ADGRB3: variants seen among roughly 807,000 people sequenced by gnomAD.
ADGRB3 encodes brain-specific angiogenesis inhibitor 3.
In ADGRB3, 37 loss-of-function variants were observed where a neutral mutation model predicts 193.4. That is an observed-to-expected ratio of 0.19 (90% CI 0.15 to 0.25). The LOEUF (loss-of-function observed/expected upper bound fraction) is 0.25. Ranked by LOEUF, ADGRB3 falls within the 10% of genes least tolerant of loss-of-function variation. The probability of loss-of-function intolerance (pLI) is 1.00; values close to 1 mark genes in which losing one functional copy is unlikely to be tolerated. For synonymous variants in ADGRB3, 690 were observed against 644.2 expected, an observed-to-expected ratio of 1.07 and a Z score of -1.08; for missense variants, 1,637 against 1,852.9, an observed-to-expected ratio of 0.88 and a Z score of 2.14.
intron 26 of ADGRB3, among the ~76,000 whole-genome samples, chr6:69,348,734 C>G (rs951980476): frequency 6.6e-6 from 1 of 152,056 alleles, no homozygotes; most frequent in Non-Finnish European, 1.5e-5. Flanking sequence ...CCTTTCTCTC[C>G]TTGCCACTCC....
At position 69,219,461 on chromosome 6, in the gene ADGRB3, G is replaced by GTATATATATATATATA. The variant is rs3839475; in HGVS notation, c.2481-13812_2481-13797dup. Among the ~76,000 whole-genome samples, 315 of 98,842 alleles carry GTATATATATATATATA rather than the reference G, an allele frequency of 3.2e-3. 8 individuals carry two copies. Among genetic ancestry groups the GTATATATATATATATA allele is most frequent in the African/African-American group, 5.1e-3 (160 of 31,154 alleles). 64.8% of individuals were successfully genotyped at this position (98,842 alleles called of 152,430 possible). ...CTTTAACTTAAAAATACACACACAC[G>GTATATATATATATATA]TATATATATATATATATATATATAT... On this transcript the variant is annotated intron_variant, in intron 17 of 31. Transcript: ENST00000370598.
intron 17 of ADGRB3, among the ~76,000 whole-genome samples, chr6:69,095,933 G>A (rs62406772): frequency 2.0e-5 from 3 of 152,008 alleles, no homozygotes; most frequent in Non-Finnish European, 2.9e-5. Flanking sequence ...TGATAATATT[G>A]TATAGGTTCA....
chr6:69,254,811 C>T (rs1209895145), intron 20 of ADGRB3, among the ~76,000 whole-genome samples: 3 of 150,192 alleles, frequency 2.0e-5, no homozygotes, highest in Non-Finnish European at 4.4e-5. Flanking sequence ...CACCCACTAA[C>T]TCGTCATCTA....
chr6:68,777,701 A>G (rs1766776036), intron 3 of ADGRB3, among the ~76,000 whole-genome samples: 2 of 151,472 alleles, frequency 1.3e-5, no homozygotes, highest in South Asian at 4.2e-4. Context: ...ACTACTAAAC[A>G]TGAGCAGATA....
At chr6:68,856,466 G>T (rs1764989196) in intron 3 of ADGRB3, among the ~76,000 whole-genome samples, 1 of 152,180 alleles carries the variant, frequency 6.6e-6, no homozygotes, top group Admixed American at 6.5e-5. Flanking sequence ...AGGTGGAGAT[G>T]CAGAACTTTT....
At chr6:68,746,488 A>T (rs566290806) in intron 3 of ADGRB3, among the ~76,000 whole-genome samples, 1 of 152,110 alleles carries the variant, frequency 6.6e-6, no homozygotes. Context: ...TTTGAAATAC[A>T]TGATACTACA....
chr6:68,955,489 A>G (rs553958326), intron 6 of ADGRB3, among the ~76,000 whole-genome samples: 2 of 152,314 alleles, frequency 1.3e-5, no homozygotes, highest in South Asian at 4.1e-4. Context: ...GAAATAAGTG[A>G]ATCAAAAGAT....
At chr6:69,020,856 T>C (rs1770242636) in intron 13 of ADGRB3, among the ~76,000 whole-genome samples, 1 of 152,038 alleles carries the variant, frequency 6.6e-6, no homozygotes, top group South Asian at 2.1e-4. Flanking sequence ...CCAAATTGTA[T>C]ACACTAGTAT....
At chr6:69,243,426 A>G (rs1471804755) in intron 20 of ADGRB3, among the ~76,000 whole-genome samples, 2 of 151,918 alleles carry the variant, frequency 1.3e-5, no homozygotes, top group East Asian at 1.9e-4. Flanking sequence ...ACCTTTAGTC[A>G]GTGTCATTCA....
intron 20 of ADGRB3, among the ~76,000 whole-genome samples, chr6:69,314,923 T>C (rs936802714): frequency 6.6e-6 from 1 of 151,562 alleles, no homozygotes; most frequent in South Asian, 2.1e-4. Flanking sequence ...TTGAGGTGCT[T>C]TATCCAGGTA....
intron 23 of ADGRB3, chr6:69,332,484 A>T: frequency 2.0e-6 from 2 of 985,446 alleles, no homozygotes; most frequent in Non-Finnish European, 2.4e-6. Flanking sequence ...GTTGGGAATA[A>T]TGACAAATCA....
intron 20 of ADGRB3, among the ~76,000 whole-genome samples, chr6:69,266,784 A>G (rs1767051258): frequency 6.6e-6 from 1 of 152,120 alleles, no homozygotes; most frequent in African/African-American, 2.4e-5. Context: ...TGCAATGGGA[A>G]TCTGCATGCC....
chr6:69,057,438 T>C (rs1771576292), intron 15 of ADGRB3, among the ~76,000 whole-genome samples: 1 of 152,084 alleles, frequency 6.6e-6, no homozygotes, highest in South Asian at 2.1e-4. Flanking sequence ...CTTCTAGTAC[T>C]ATGTTGAATA....
intron 17 of ADGRB3, chr6:69,232,434 C>A: frequency 6.7e-7 from 1 of 1,490,162 alleles, no homozygotes; most frequent in Non-Finnish European, 8.9e-7. Context: ...AATGGCTACA[C>A]CAAAGAGAAA....
chr6:68,907,379 T>C (rs1016608695), intron 3 of ADGRB3, among the ~76,000 whole-genome samples: 1 of 151,942 alleles, frequency 6.6e-6, no homozygotes, highest in African/African-American at 2.4e-5. Context: ...TTGTATAAAT[T>C]CTTTGATTCT....
Position 69,031,039 on chromosome 6 carries a change from CTCTTCTCTT to C in ADGRB3, c.2107+12541_2107+12549del, listed in dbSNP as rs777749942. On this transcript the variant is annotated intron_variant, in intron 13 of 31. Transcript: ENST00000370598. ...TCTTTTTTTTTTCCTCTTCTCTTCTCTCTTCTCTTCTCTTCTCTTCTCTTCTCTTCTCTT... is the reference window on the plus strand; with the variant it reads ...TCTTTTTTTTTTCCTCTTCTCTTCTCCTCTTCTCTTCTCTTCTCTTCTCTT... Among the ~76,000 whole-genome samples the C allele has an allele frequency of 8.8e-4, 19 of 21,500 alleles. 2 individuals are homozygous for C. Among genetic ancestry groups the C allele is most frequent in the East Asian group, 4.3e-3 (1 of 234 alleles). The allele number at this position is 21,500 out of a possible 152,430, so 14.1% of individuals were successfully genotyped here. A position where few individuals can be genotyped will look rare whatever the true frequency, so the allele number is the denominator to read the frequency against.
chr6:69,353,830 G>A (rs570905713), intron 26 of ADGRB3, among the ~76,000 whole-genome samples: 3 of 152,248 alleles, frequency 2.0e-5, no homozygotes, highest in Non-Finnish European at 2.9e-5. Flanking sequence ...TTGAGGGGCC[G>A]AGGTGGGCAG....
At chr6:69,379,608 A>G (rs1769902003) in intron 30 of ADGRB3, among the ~76,000 whole-genome samples, 1 of 151,858 alleles carries the variant, frequency 6.6e-6, no homozygotes, top group African/African-American at 2.4e-5. Context: ...TTATCAGTGG[A>G]CTCTTCTTTA....
At chr6:68,782,360 T>G (rs1766872200) in intron 3 of ADGRB3, among the ~76,000 whole-genome samples, 1 of 151,920 alleles carries the variant, frequency 6.6e-6, no homozygotes, top group Non-Finnish European at 1.5e-5. Context: ...ATTTTCTTAA[T>G]CCAGTCTATC....
Sources: gnomAD v4.1 joint callset for allele counts (sites outside exome capture counted in the v4.1 genomes callset) on GRCh38, gnomAD v4.1.1 for gene constraint, MANE v1.5 for transcripts, NCBI Gene and HGNC (gene_info 2026-07-23, HGNC 2026-07-21) for gene names.